Variants in SBNO2 observed in about 807,000 individuals in gnomAD.
SBNO2 encodes protein strawberry notch homolog 2.
In SBNO2, 89 loss-of-function variants were observed where a neutral mutation model predicts 146.3. That is an observed-to-expected ratio of 0.61 (90% CI 0.51 to 0.73). The LOEUF (loss-of-function observed/expected upper bound fraction) is 0.73, where lower values mean the gene tolerates loss of function less well. SBNO2 is among the 30% of genes least tolerant of loss of function. The pLI is 0.00. For synonymous variants in SBNO2, 1,147 were observed against 892.6 expected (o/e 1.29, Z -5.08); for missense variants, 2,092 against 2,003.7 (o/e 1.04, Z -0.84).
Position 1,126,669 on chromosome 19 carries a change from C to A in SBNO2, c.441+935G>T, listed in dbSNP as rs1344387520. ...CCCGGGTTGCCCCTTCCTGAGGGCCCGGGAGAGCGGCCTATGGGTGTGAGC... is the reference window on the plus strand; with the variant it reads ...CCCGGGTTGCCCCTTCCTGAGGGCCAGGGAGAGCGGCCTATGGGTGTGAGC... On this transcript the variant is annotated intron_variant, in intron 5 of 31. Coordinates refer to ENST00000361757, the MANE Select transcript of SBNO2 (RefSeq NM_014963.3). This position sits in a 1 kb window ranked among gnomAD's most constrained non-coding sequence, Gnocchi z 4.4. 6.6e-6 allele frequency among the ~76,000 whole-genome samples: 1 copy of A among 152,188 alleles called. No homozygotes were observed. Among genetic ancestry groups the A allele is most frequent in the East Asian group, 1.9e-4 (1 of 5,190 alleles).
Position 1,136,192 on chromosome 19 carries a change from C to T in SBNO2, c.280-8427G>A, listed in dbSNP as rs373084225. Among the ~76,000 whole-genome samples the T allele has an allele frequency of 2.0e-5, 3 of 152,038 alleles. No individual in the cohort carries two copies. The highest frequency in any genetic ancestry group is 2.9e-5 in the Non-Finnish European group (2 of 67,980). On this transcript the variant is annotated intron_variant, in intron 4 of 31. Transcript: ENST00000361757. This position sits in a 1 kb window ranked among gnomAD's most constrained non-coding sequence, Gnocchi z 4.2. Reference sequence around the variant, plus strand: ...GATGCTGGAGGGGCCGGAAGGAGCGCGGCCCTGTCCGCACCTTGACTTTGG... The same window carrying T: ...GATGCTGGAGGGGCCGGAAGGAGCGTGGCCCTGTCCGCACCTTGACTTTGG...
intron 1 of SBNO2, among the ~76,000 whole-genome samples, chr19:1,164,499 G>A (rs1360121496): frequency 1.4e-5 from 2 of 144,312 alleles, no homozygotes; most frequent in African/African-American, 2.6e-5. Flanking sequence ...AGGGGCAGTG[G>A]AGACAGGAGG....
At position 1,109,787 on chromosome 19, in the gene SBNO2, C is replaced by A; in HGVS notation, c.3029-10G>T. 9.5e-7 allele frequency: 1 copy of A among 1,055,018 alleles called. No individual in the cohort carries two copies. Among genetic ancestry groups the A allele is most frequent in the Non-Finnish European group, 1.3e-6 (1 of 757,898 alleles). The allele number at this position is 1,055,018 out of a possible 1,614,324, so 65.4% of individuals were successfully genotyped here. A position where few individuals can be genotyped will look rare whatever the true frequency, so the allele number is the denominator to read the frequency against. ...ATACCGGGAGCAAGGTCTAGGGGGG[C>A]GGGTGGAGGGTAAGTGGTGTCCAGG... On this transcript the variant is annotated splice_polypyrimidine_tract_variant and intron_variant, in intron 26 of 31. Coordinates refer to ENST00000361757, the MANE Select transcript of SBNO2 (RefSeq NM_014963.3). The surrounding 1 kb of genome is among the most constrained non-coding windows in gnomAD (Gnocchi z 4.2).
intron 4 of SBNO2, among the ~76,000 whole-genome samples, chr19:1,141,527 T>C (rs959577575): frequency 6.6e-6 from 1 of 151,922 alleles, no homozygotes. Flanking sequence ...AAATCTAATT[T>C]TTAATTTTGT....
At chr19:1,147,565 T>A in intron 3 of SBNO2, 145 bp from the exon 4 acceptor site, 1 of 527,662 alleles carries the variant, frequency 1.9e-6, no homozygotes, top group Non-Finnish European at 3.3e-6. Context: ...ATGGCCCCGC[T>A]GCACATACAG....
rs1216923944 is a variant in SBNO2 at position 1,174,232 on chromosome 19, C to T, written c.-187G>A. ...GCGCCTGTTTCTCCGAGCCTCGCAGCTGCCGCCGCTCACTTCCGGGTTTCG... is the reference window on the plus strand; with the variant it reads ...GCGCCTGTTTCTCCGAGCCTCGCAGTTGCCGCCGCTCACTTCCGGGTTTCG... On this transcript the variant is annotated 5_prime_UTR_variant, in exon 1 of 32. Coordinates refer to ENST00000361757, the MANE Select transcript of SBNO2 (RefSeq NM_014963.3). 2 of 151,902 alleles carry T rather than the reference C, an allele frequency of 1.3e-5. No individual in the cohort carries two copies. Among genetic ancestry groups the T allele is most frequent in the Non-Finnish European group, 2.9e-5 (2 of 67,928 alleles). 9.4% of individuals were successfully genotyped at this position (151,902 alleles called of 1,614,324 possible).
intron 11 of SBNO2, 81 bp downstream of exon 11, chr19:1,122,058 T>G: frequency 4.2e-4 from 69 of 163,020 alleles, no homozygotes; most frequent in South Asian, 5.3e-4. Context: ...CTCCCACCCC[T>G]CCTCTCCCAC....
intron 13 of SBNO2, 149 bp downstream of exon 13, chr19:1,119,367 C>A: frequency 1.2e-6 from 1 of 838,752 alleles, no homozygotes. Context: ...GAGTGCTGGG[C>A]AGCCCGAGGC....
At chr19:1,124,054 A>G (rs2024093) in intron 5 of SBNO2, 32 bp from the exon 6 acceptor site, 761,078 of 1,596,716 alleles carry the variant, frequency 0.48, 185,438 homozygotes, top group African/African-American at 0.69. Flanking sequence ...AGCCCGGGCC[A>G]GACGGGACAG....
chr19:1,150,575 G>A lies in SBNO2; in HGVS notation c.94-1133C>T, dbSNP rs1659384501. 6.6e-6 allele frequency among the ~76,000 whole-genome samples: 1 copy of A among 152,076 alleles called. No homozygotes were observed. Among genetic ancestry groups the A allele is most frequent in the Admixed American group, 6.5e-5 (1 of 15,272 alleles). On this transcript the variant is annotated intron_variant, in intron 2 of 31. Coordinates refer to ENST00000361757, the MANE Select transcript of SBNO2 (RefSeq NM_014963.3). This position sits in a 1 kb window ranked among gnomAD's most constrained non-coding sequence, Gnocchi z 6.2. Reference sequence around the variant, plus strand: ...TCACGGACGCCCCCGTGGTCATGGGGGAGACACCACCAGCCGGGGGCATCA... The same window carrying A: ...TCACGGACGCCCCCGTGGTCATGGGAGAGACACCACCAGCCGGGGGCATCA...
Position 1,109,416 on chromosome 19 carries a change from C to A in SBNO2, c.3224G>T (p.Gly1075Val). ...DGFYLSYKVR[G>V]NKPSCLLAEQ... ...CGCCAGCAGGCAGCTGGGCTTGTTA[C>A]CGCGGACCTGCGGAGGGGGGCGTTG... The change falls in exon 29 of 32, where the codon GGT (glycine) becomes GTT (valine). Residue 1075 changes from glycine to valine, a missense_variant. Transcript: ENST00000361757. The surrounding 1 kb of genome is among the most constrained non-coding windows in gnomAD (Gnocchi z 4.2). 6.4e-7 allele frequency: 1 copy of A among 1,565,326 alleles called. No individual in the cohort carries two copies. Among genetic ancestry groups the A allele is most frequent in the Non-Finnish European group, 8.7e-7 (1 of 1,156,014 alleles).
At chr19:1,172,249 G>A (rs1186301564) in intron 1 of SBNO2, among the ~76,000 whole-genome samples, 1 of 152,204 alleles carries the variant, frequency 6.6e-6, no homozygotes, top group Non-Finnish European at 1.5e-5. Context: ...CGTCTCCCCT[G>A]CCGTGGGAGG....
chr19:1,131,716 C>T (rs2080030331), intron 4 of SBNO2, among the ~76,000 whole-genome samples: 1 of 152,196 alleles, frequency 6.6e-6, no homozygotes, highest in Non-Finnish European at 1.5e-5. Context: ...AGCCACAGCT[C>T]TGGGTCCTAC....
At position 1,111,493 on chromosome 19, in the gene SBNO2, C is replaced by T; in HGVS notation, c.2809+13G>A. 2 of 1,542,738 alleles carry T rather than the reference C, an allele frequency of 1.3e-6. No individual in the cohort carries two copies. The highest frequency in any genetic ancestry group is 1.8e-6 in the Non-Finnish European group (2 of 1,136,398). Reference sequence around the variant, plus strand: ...CTGCCCCTCCCAGGAAGACCCCCACCAGCCCAGCTTACCCCGGAAGAAGGT... The same window carrying T: ...CTGCCCCTCCCAGGAAGACCCCCACTAGCCCAGCTTACCCCGGAAGAAGGT... On this transcript the variant is annotated intron_variant, in intron 24 of 31. Coordinates refer to ENST00000361757, the MANE Select transcript of SBNO2 (RefSeq NM_014963.3).
intron 15 of SBNO2, 33 bp downstream of exon 15, chr19:1,117,290 C>CGCCCTCAGGCCTT (rs1428676111): frequency 6.5e-7 from 1 of 1,537,088 alleles, no homozygotes; most frequent in African/African-American, 1.4e-5. Context: ...CAGGCCCGGC[C>CGCCCTCAGGCCTT]GCCCTCAGCC....
Position 1,157,811 on chromosome 19 carries a change from T to A in SBNO2, c.-126-3409A>T, listed in dbSNP as rs2080306226. On this transcript the variant is annotated intron_variant, in intron 1 of 31. Coordinates refer to ENST00000361757, the MANE Select transcript of SBNO2 (RefSeq NM_014963.3). The surrounding 1 kb of genome is among the most constrained non-coding windows in gnomAD (Gnocchi z 6.8). Reference sequence around the variant, plus strand: ...CGGGTAACTGTGTCCGCCTCCCAGCTCTCTCCTGAGTCCGGGTAACTGCGT... The same window carrying A: ...CGGGTAACTGTGTCCGCCTCCCAGCACTCTCCTGAGTCCGGGTAACTGCGT... Among the ~76,000 whole-genome samples the A allele has an allele frequency of 1.3e-5, 2 of 150,736 alleles. No individual in the cohort carries two copies. Among genetic ancestry groups the A allele is most frequent in the Admixed American group, 1.3e-4 (2 of 15,210 alleles).
chr19:1,133,881 G>T (rs2145261209), intron 4 of SBNO2, among the ~76,000 whole-genome samples: 1 of 152,326 alleles, frequency 6.6e-6, no homozygotes, highest in South Asian at 2.1e-4. Context: ...CGGGGCAGTG[G>T]CCTGGGAACC....
intron 4 of SBNO2, among the ~76,000 whole-genome samples, chr19:1,129,379 G>C (rs981413791): frequency 3.9e-5 from 6 of 152,246 alleles, no homozygotes; most frequent in African/African-American, 1.4e-4. Flanking sequence ...TGCCCACCCT[G>C]TCAGACCCAA....
intron 4 of SBNO2, chr19:1,132,116 A>T: frequency 6.5e-7 from 1 of 1,535,778 alleles, no homozygotes; most frequent in Non-Finnish European, 8.7e-7. Context: ...AACTGCAGCC[A>T]CAGCTGCAGC....
Sources: allele counts gnomAD v4.1 joint callset (sites outside exome capture counted in the v4.1 genomes callset), GRCh38; gene constraint gnomAD v4.1.1; non-coding constraint Gnocchi (gnomAD v3.1); transcripts MANE v1.5; gene names NCBI Gene and HGNC (gene_info 2026-07-23, HGNC 2026-07-21).